SKAP1: variants seen among roughly 807,000 people sequenced by gnomAD.
The protein encoded by SKAP1 is src kinase-associated phosphoprotein 1.
A neutral mutation model predicts 58.5 loss-of-function variants in SKAP1; 44 were observed. The observed-to-expected ratio is 0.75, with a 90% CI of 0.59 to 0.97. The LOEUF (loss-of-function observed/expected upper bound fraction) is 0.97, where lower values mean the gene tolerates loss of function less well. SKAP1 is among the 50% of genes least tolerant of loss of function. SKAP1 has a pLI of 0.00. For synonymous variants in SKAP1, 127 were observed against 149.7 expected, an observed-to-expected ratio of 0.85 and a Z score of 1.11; for missense variants, 390 against 435.2, an observed-to-expected ratio of 0.90 and a Z score of 0.92.
intron 4 of SKAP1, among the ~76,000 whole-genome samples, chr17:48,304,488 A>G (rs1244061747): frequency 6.6e-6 from 1 of 152,090 alleles, no homozygotes; most frequent in Non-Finnish European, 1.5e-5. Context: ...TGTAGAAGAC[A>G]GAGACAAGCT....
chr17:48,335,427 G>T (rs1199091769), intron 4 of SKAP1, among the ~76,000 whole-genome samples: 2 of 151,914 alleles, frequency 1.3e-5, no homozygotes, highest in Non-Finnish European at 2.9e-5. Context: ...GTTACTTTTA[G>T]TAGTCTCCTA....
At chr17:48,298,955 C>T (rs938732882) in intron 4 of SKAP1, among the ~76,000 whole-genome samples, 2 of 151,878 alleles carry the variant, frequency 1.3e-5, no homozygotes, top group Non-Finnish European at 2.9e-5. Context: ...GTATGGCAGG[C>T]GTGGGGGAAA....
intron 4 of SKAP1, among the ~76,000 whole-genome samples, chr17:48,268,503 G>GT (rs879394500): frequency 2.4e-4 from 33 of 138,396 alleles, no homozygotes; most frequent in East Asian, 1.5e-3. Context: ...ATTTTTTTTT[G>GT]TTTTTTTTGA....
chr17:48,225,468 G>A (rs2065056823), intron 4 of SKAP1, among the ~76,000 whole-genome samples: 2 of 152,158 alleles, frequency 1.3e-5, no homozygotes, highest in South Asian at 4.1e-4. Context: ...AATACTGTGT[G>A]TGAAATGATT....
At chr17:48,367,268 T>C (rs2067016361) in intron 2 of SKAP1, among the ~76,000 whole-genome samples, 1 of 152,110 alleles carries the variant, frequency 6.6e-6, no homozygotes, top group African/African-American at 2.4e-5. Flanking sequence ...TAGCAGAACC[T>C]GCTTTATTCC....
At chr17:48,238,442 C>T (rs1270574106) in intron 4 of SKAP1, among the ~76,000 whole-genome samples, 3 of 151,766 alleles carry the variant, frequency 2.0e-5, no homozygotes, top group Non-Finnish European at 2.9e-5. Context: ...ATTCTGTGGC[C>T]CAAGCTGGAG....
chr17:48,286,665 A>T (rs138118086), intron 4 of SKAP1, among the ~76,000 whole-genome samples: 1 of 152,352 alleles, frequency 6.6e-6, no homozygotes, highest in East Asian at 1.9e-4. Flanking sequence ...AGGCAAATTA[A>T]CATCTACAAC....
chr17:48,309,125 A>G (rs980487350), intron 4 of SKAP1, among the ~76,000 whole-genome samples: 3 of 152,122 alleles, frequency 2.0e-5, no homozygotes, highest in Admixed American at 2.0e-4. Flanking sequence ...GACACTAAAA[A>G]AAGAAACTGC....
intron 4 of SKAP1, among the ~76,000 whole-genome samples, chr17:48,296,188 T>G (rs574939267): frequency 6.6e-6 from 1 of 152,228 alleles, no homozygotes; most frequent in South Asian, 2.1e-4. Context: ...ATAAACATTT[T>G]TTTCTTCAAT....
chr17:48,320,578 G>A (rs551712547), intron 4 of SKAP1, among the ~76,000 whole-genome samples: 27 of 152,186 alleles, frequency 1.8e-4, no homozygotes, highest in African/African-American at 5.5e-4. Flanking sequence ...CAAAGAAAAC[G>A]CAATCAGAGA....
At chr17:48,232,911 C>G (rs965442977) in intron 4 of SKAP1, among the ~76,000 whole-genome samples, 9 of 152,218 alleles carry the variant, frequency 5.9e-5, no homozygotes, top group African/African-American at 2.2e-4. Flanking sequence ...ACCCAACCAA[C>G]AGTTCTATTA....
intron 4 of SKAP1, among the ~76,000 whole-genome samples, chr17:48,265,928 T>C (rs1228870656): frequency 6.6e-6 from 1 of 152,180 alleles, no homozygotes; most frequent in African/African-American, 2.4e-5. Flanking sequence ...TTTTAAAACC[T>C]CTTTTCTTTA....
intron 1 of SKAP1, among the ~76,000 whole-genome samples, chr17:48,410,371 G>A (rs758581109): frequency 2.9e-4 from 44 of 152,062 alleles, no homozygotes; most frequent in Non-Finnish European, 4.4e-4. Context: ...ATACATACAC[G>A]TGTATTTCCT....
intron 4 of SKAP1, among the ~76,000 whole-genome samples, chr17:48,279,421 T>C (rs1187744357): frequency 6.6e-6 from 1 of 152,186 alleles, no homozygotes; most frequent in Non-Finnish European, 1.5e-5. Flanking sequence ...AGTTTGCTGA[T>C]CATTGATCCA....
intron 11 of SKAP1, among the ~76,000 whole-genome samples, chr17:48,160,583 A>C (rs1335245304): frequency 1.3e-5 from 2 of 152,102 alleles, no homozygotes; most frequent in Non-Finnish European, 2.9e-5. Flanking sequence ...AGGACAGGTC[A>C]CCGCACAACC....
chr17:48,436,623 G>C, the SKAP1 span, among the ~76,000 whole-genome samples: 1 of 151,966 alleles, frequency 6.6e-6, no homozygotes, highest in African/African-American at 2.4e-5. Context: ...CCTTCTGCCT[G>C]CTAACATCCT....
At chr17:48,199,062 T>C (rs964486082) in intron 4 of SKAP1, among the ~76,000 whole-genome samples, 1 of 152,176 alleles carries the variant, frequency 6.6e-6, no homozygotes, top group East Asian at 1.9e-4. Flanking sequence ...AATGACGAAA[T>C]GTCATTTTCA....
At chr17:48,186,270 G>A (rs2064449701) in intron 6 of SKAP1, among the ~76,000 whole-genome samples, 1 of 152,090 alleles carries the variant, frequency 6.6e-6, no homozygotes, top group Admixed American at 6.6e-5. Context: ...TTGTAGCTCA[G>A]TTTACAAACT....
chr17:48,279,165 A>G (rs2065737652), intron 4 of SKAP1, among the ~76,000 whole-genome samples: 1 of 152,108 alleles, frequency 6.6e-6, no homozygotes, highest in African/African-American at 2.4e-5. Flanking sequence ...CTTCCCACAC[A>G]CTTCTCTGCC....
Sources: allele counts gnomAD v4.1 joint callset (sites outside exome capture counted in the v4.1 genomes callset), GRCh38; gene constraint gnomAD v4.1.1; transcripts MANE v1.5; gene names NCBI Gene and HGNC (gene_info 2026-07-23, HGNC 2026-07-21).